RAD54L2: variants seen among roughly 807,000 people sequenced by gnomAD.
RAD54L2 encodes the protein RAD54 like 2.
Under a neutral mutation model 138.4 loss-of-function variants are expected in RAD54L2, and 27 were observed. The ratio of observed to expected loss-of-function variants is 0.20; its 90% CI spans 0.14 to 0.27. RAD54L2 has a LOEUF of 0.27. RAD54L2 is among the 10% of genes least tolerant of loss of function. The probability of loss-of-function intolerance (pLI) is 1.00; values close to 1 mark genes in which losing one functional copy is unlikely to be tolerated. For missense variants in RAD54L2, 1,396 were observed against 1,890.2 expected (o/e 0.74, Z 4.85); for synonymous variants, 644 against 723.2 (o/e 0.89, Z 1.76).
At chr3:51,613,850 C>T (rs562729986) in intron 3 of RAD54L2, among the ~76,000 whole-genome samples, 4 of 151,466 alleles carry the variant, frequency 2.6e-5, no homozygotes, top group African/African-American at 9.7e-5. Context: ...TCTGCTAAAG[C>T]AGTGATTCGC....
chr3:51,629,549 C>T, intron 5 of RAD54L2, 76 bp downstream of exon 5: 1 of 1,547,712 alleles, frequency 6.5e-7, no homozygotes, highest in Non-Finnish European at 8.8e-7. Flanking sequence ...TGGTCAAAAG[C>T]AGATCTGGAA....
At position 51,647,417 on chromosome 3, in the gene RAD54L2, C is replaced by T. The variant is rs1018296830; in HGVS notation, c.3026+936C>T. 4.6e-5 allele frequency among the ~76,000 whole-genome samples: 7 copies of T among 152,164 alleles called. 1 individual carries two copies. The highest frequency in any genetic ancestry group is 1.7e-4 in the African/African-American group (7 of 41,432). On this transcript the variant is annotated intron_variant, in intron 19 of 22. Coordinates refer to ENST00000684192, the MANE Select transcript of RAD54L2 (RefSeq NM_015106.4). ...GCACAGTGGCTCACGCCTGTAATCCCAGCAATTTGGGAGGTCTAGGCGGGC... is the reference window on the plus strand; with the variant it reads ...GCACAGTGGCTCACGCCTGTAATCCTAGCAATTTGGGAGGTCTAGGCGGGC...
intron 3 of RAD54L2, among the ~76,000 whole-genome samples, chr3:51,608,555 G>A (rs1559634924): frequency 6.6e-6 from 1 of 152,220 alleles, no homozygotes; most frequent in Admixed American, 6.5e-5. Flanking sequence ...CTGAGTGAGC[G>A]AGACTCCGTC....
intron 2 of RAD54L2, among the ~76,000 whole-genome samples, chr3:51,555,539 C>G (rs1285123930): frequency 1.3e-5 from 2 of 152,154 alleles, no homozygotes; most frequent in Non-Finnish European, 2.9e-5. Flanking sequence ...CACCTGTAAT[C>G]CCAGCTACTT....
intron 20 of RAD54L2, among the ~76,000 whole-genome samples, 174 bp downstream of exon 20, chr3:51,656,344 A>G (rs1257651049): frequency 1.3e-5 from 2 of 152,230 alleles, no homozygotes; most frequent in African/African-American, 4.8e-5. Context: ...GATTCTAGTG[A>G]AATATCTTAA....
At position 51,667,418 on chromosome 3, in the gene RAD54L2, G is replaced by A. The variant is rs1701932871; in HGVS notation, c.*3998G>A. The A allele has an allele frequency of 2.0e-5, 3 of 152,168 alleles. No individual in the cohort carries two copies. Among genetic ancestry groups the A allele is most frequent in the East Asian group, 1.9e-4 (1 of 5,190 alleles). 9.4% of individuals were successfully genotyped at this position (152,168 alleles called of 1,614,324 possible). ...TGACCTCAAGTGATCCACCCTCCTC[G>A]GCCTCCCAGTGATGGGATTACAGGC... is the stretch of plus-strand genomic sequence containing the variant. On this transcript the variant is annotated 3_prime_UTR_variant, in exon 23 of 23. Transcript: ENST00000684192.
chr3:51,563,709 T>TG (rs1021167656), intron 2 of RAD54L2, among the ~76,000 whole-genome samples: 12 of 152,316 alleles, frequency 7.9e-5, no homozygotes, highest in African/African-American at 2.9e-4. Context: ...TTTTTTTCTG[T>TG]GTTTAAGCAT....
intron 3 of RAD54L2, among the ~76,000 whole-genome samples, chr3:51,607,012 A>T (rs1700197587): frequency 6.9e-6 from 1 of 145,616 alleles, no homozygotes; most frequent in African/African-American, 2.5e-5. Flanking sequence ...TTATTATTTT[A>T]ATTATTATTA....
chr3:51,607,932 C>A (rs1241093909), intron 3 of RAD54L2, among the ~76,000 whole-genome samples: 2 of 139,134 alleles, frequency 1.4e-5, no homozygotes, highest in Non-Finnish European at 3.0e-5. Context: ...GCGGGGGCTG[C>A]CCCCCTCCTC....
intron 3 of RAD54L2, among the ~76,000 whole-genome samples, chr3:51,602,701 T>C (rs1304335702): frequency 2.0e-5 from 3 of 152,172 alleles, no homozygotes; most frequent in Non-Finnish European, 4.4e-5. Context: ...ATAATAATTA[T>C]TGAGCACCTG....
rs1405172495 is a variant in RAD54L2, at chr3:51,660,127, G to A, written c.3409+9G>A. The A allele has an allele frequency of 6.3e-7, 1 of 1,586,612 alleles. No homozygotes were observed. Among genetic ancestry groups the A allele is most frequent in the Non-Finnish European group, 8.6e-7 (1 of 1,158,482 alleles). ...TCGGATGGCTGCCTCAGGTGTGATG[G>A]CTTTTACTTTCCATTTTACTTTTCA... On this transcript the variant is annotated intron_variant, in intron 22 of 22. Coordinates refer to ENST00000684192, the MANE Select transcript of RAD54L2 (RefSeq NM_015106.4).
At chr3:51,561,588 G>C (rs1699100255) in intron 2 of RAD54L2, among the ~76,000 whole-genome samples, 2 of 150,512 alleles carry the variant, frequency 1.3e-5, no homozygotes, top group Admixed American at 6.6e-5. Flanking sequence ...TTGAAACAGA[G>C]TCTCACTCTT....
At chr3:51,583,973 G>T (rs907060945) in intron 2 of RAD54L2, among the ~76,000 whole-genome samples, 2 of 151,932 alleles carry the variant, frequency 1.3e-5, no homozygotes, top group Non-Finnish European at 2.9e-5. Flanking sequence ...ACTCCCAGGG[G>T]TTCCCAGACC....
chr3:51,574,489 A>G (rs999829453), intron 2 of RAD54L2, among the ~76,000 whole-genome samples: 9 of 152,294 alleles, frequency 5.9e-5, no homozygotes, highest in African/African-American at 1.9e-4. Flanking sequence ...CTATTTCTCC[A>G]CATCCTCTCC....
intron 2 of RAD54L2, among the ~76,000 whole-genome samples, chr3:51,548,815 ACT>A (rs1270940105): frequency 1.5e-5 from 2 of 137,364 alleles, no homozygotes; most frequent in African/African-American, 5.5e-5. Context: ...CAGCCCAGTA[ACT>A]CTGCTTTTTT....
chr3:51,662,886 C>G lies in RAD54L2; in HGVS notation c.3870C>G (p.Val1290=). 1 of 1,613,832 alleles carries G rather than the reference C, an allele frequency of 6.2e-7. No individual in the cohort carries two copies. Among genetic ancestry groups the G allele is most frequent in the East Asian group, 2.2e-5 (1 of 44,878 alleles). Residue 1290 remains valine (V), a synonymous_variant, in exon 23 of 23, where the codon GTC becomes GTG. Coordinates refer to ENST00000684192, the MANE Select transcript of RAD54L2 (RefSeq NM_015106.4). The surrounding 1 kb of genome is among the most constrained non-coding windows in gnomAD (Gnocchi z 4.6). ...AGCCGTATGAACACGGGTATCCAGT[C>G]TCTGGCGGGTTTGCCATGCCACCCG... is the stretch of plus-strand genomic sequence containing the variant. ...PVQPYEHGYP[V]SGGFAMPPVS...
At chr3:51,552,509 G>C (rs1338941357) in intron 2 of RAD54L2, among the ~76,000 whole-genome samples, 3 of 149,602 alleles carry the variant, frequency 2.0e-5, no homozygotes, top group Admixed American at 1.3e-4. Context: ...TGATCCACCT[G>C]CCTCGGCTTC....
intron 2 of RAD54L2, among the ~76,000 whole-genome samples, chr3:51,584,972 AT>A (rs1041286359): frequency 5.4e-5 from 8 of 147,468 alleles, no homozygotes; most frequent in East Asian, 2.0e-4. Flanking sequence ...TGCCTGGCTA[AT>A]TTTTTTTTTG....
intron 21 of RAD54L2, among the ~76,000 whole-genome samples, chr3:51,657,916 C>CTTTTTTTTTTTTT (rs71084155): frequency 1.1e-5 from 1 of 87,410 alleles, no homozygotes; most frequent in Non-Finnish European, 2.2e-5. Context: ...ATCTTGCTGT[C>CTTTTTTTTTTTTT]TTTTTTTTTT....
Sources: allele counts gnomAD v4.1 joint callset (sites outside exome capture counted in the v4.1 genomes callset), GRCh38; gene constraint gnomAD v4.1.1; non-coding constraint Gnocchi (gnomAD v3.1); transcripts MANE v1.5; gene names NCBI Gene and HGNC (gene_info 2026-07-23, HGNC 2026-07-21).